The following FOCAD variants were observed in gnomAD, a reference collection of about 807,000 sequenced individuals.
FOCAD encodes the protein focadhesin, also known as KIAA1797.
FOCAD carries 198 observed loss-of-function variants against 225.6 expected under a neutral mutation model. The ratio of observed to expected loss-of-function variants is 0.88; its 90% confidence interval spans 0.78 to 0.99. The LOEUF (loss-of-function observed/expected upper bound fraction) is 0.99, where lower values mean the gene tolerates loss of function less well. FOCAD is among the 50% of genes least tolerant of loss of function. The pLI is 0.00. For missense variants in FOCAD, 2,713 were observed against 2,123.6 expected, an observed-to-expected ratio of 1.28 and a Z score of -5.46; for synonymous variants, 897 against 755.0, an observed-to-expected ratio of 1.19 and a Z score of -3.08.
chr9:20,742,152 A>C (rs945057448), intron 5 of FOCAD, among the ~76,000 whole-genome samples: 1 of 152,150 alleles, frequency 6.6e-6, no homozygotes, highest in Non-Finnish European at 1.5e-5. Flanking sequence ...TTTTAGTTCA[A>C]TGCTTCCCAA....
chr9:20,841,348 A>T (rs534912315), intron 15 of FOCAD, among the ~76,000 whole-genome samples: 2 of 150,396 alleles, frequency 1.3e-5, no homozygotes, highest in African/African-American at 4.9e-5. Context: ...ATGTCTTTTG[A>T]TTGCAGAGTT....
At chr9:20,966,571 T>C (rs1417711273) in intron 35 of FOCAD, among the ~76,000 whole-genome samples, 1 of 152,158 alleles carries the variant, frequency 6.6e-6, no homozygotes, top group African/African-American at 2.4e-5. Context: ...TTTAATGCCA[T>C]ATCTGTGAAT....
At chr9:20,840,267 AATATT>A in intron 15 of FOCAD, among the ~76,000 whole-genome samples, 1 of 152,158 alleles carries the variant, frequency 6.6e-6, no homozygotes, top group Admixed American at 6.5e-5. Flanking sequence ...ACATTTTAAC[AATATT>A]GATTCTTCCA....
At chr9:20,879,980 C>G (rs754687916) in intron 19 of FOCAD, among the ~76,000 whole-genome samples, 3 of 152,164 alleles carry the variant, frequency 2.0e-5, no homozygotes, top group Non-Finnish European at 2.9e-5. Context: ...ATCATAGTGC[C>G]TCTACCCTCA....
At chr9:20,740,164 G>A in intron 4 of FOCAD, 72 bp from the exon 5 acceptor site, 1 of 966,720 alleles carries the variant, frequency 1.0e-6, no homozygotes, top group Non-Finnish European at 1.6e-6. Context: ...ATTTTAAAAT[G>A]ATAGGATTAA....
intron 24 of FOCAD, among the ~76,000 whole-genome samples, chr9:20,919,270 C>A (rs1382811951): frequency 1.3e-5 from 2 of 152,116 alleles, no homozygotes; most frequent in South Asian, 2.1e-4. Context: ...ACGTGAAGGA[C>A]CTCTTCAAGG....
At chr9:20,991,725 AT>A (rs1208622641) in intron 42 of FOCAD, among the ~76,000 whole-genome samples, 1 of 150,780 alleles carries the variant, frequency 6.6e-6, no homozygotes, top group African/African-American at 2.4e-5. Context: ...AGGCAGGAGA[AT>A]CGCTTGAACG....
At chr9:20,794,060 T>G (rs1820814504) in intron 11 of FOCAD, among the ~76,000 whole-genome samples, 1 of 152,176 alleles carries the variant, frequency 6.6e-6, no homozygotes, top group Non-Finnish European at 1.5e-5. Context: ...AAACATTTAT[T>G]TATGTCTCTT....
intron 1 of FOCAD, among the ~76,000 whole-genome samples, chr9:20,697,339 T>A (rs1052440809): frequency 6.6e-6 from 1 of 152,212 alleles, no homozygotes; most frequent in African/African-American, 2.4e-5. Context: ...AAAATGTCAG[T>A]CATATATGCC....
At chr9:20,862,838 T>A in intron 16 of FOCAD, 126 bp downstream of exon 16, 1 of 1,099,970 alleles carries the variant, frequency 9.1e-7, no homozygotes, top group Admixed American at 2.5e-5. Flanking sequence ...CATGTTGATA[T>A]GTTTATGGAC....
In FOCAD at chr9:20,845,442, G is replaced by GATATATATATATATATATATATAT. The variant is rs3086547; in HGVS notation, c.1921-17135_1921-17112dup. On this transcript the variant is annotated intron_variant, in intron 15 of 43. Coordinates refer to ENST00000338382, the MANE Select transcript of FOCAD (RefSeq NM_001375567.1). ...GATATATTTTATGCATCTTTTCCTC[G>GATATATATATATATATATATATAT]ATATATATATATATATATATATATG... is the stretch of plus-strand genomic sequence containing the variant. 3.4e-3 allele frequency among the ~76,000 whole-genome samples: 408 copies of GATATATATATATATATATATATAT among 121,126 alleles called. 6 individuals carry two copies. The highest frequency in any genetic ancestry group is 6.6e-3 in the South Asian group (24 of 3,616). 79.5% of individuals were successfully genotyped at this position (121,126 alleles called of 152,430 possible).
chr9:20,968,370 C>G (rs1839452310), intron 35 of FOCAD, among the ~76,000 whole-genome samples: 2 of 146,824 alleles, frequency 1.4e-5, no homozygotes, highest in South Asian at 4.3e-4. Flanking sequence ...TAACAGTTTG[C>G]CAATTTTGTT....
At chr9:20,893,917 G>A (rs1019499476) in intron 21 of FOCAD, among the ~76,000 whole-genome samples, 2 of 152,064 alleles carry the variant, frequency 1.3e-5, no homozygotes, top group African/African-American at 4.8e-5. Context: ...TATTCTTGGT[G>A]TTAAACATTC....
intron 8 of FOCAD, among the ~76,000 whole-genome samples, chr9:20,775,770 G>A (rs746916492): frequency 3.3e-5 from 5 of 152,132 alleles, no homozygotes; most frequent in Admixed American, 6.5e-5. Context: ...AGGACAAAAA[G>A]TATGGACTCC....
intron 11 of FOCAD, among the ~76,000 whole-genome samples, chr9:20,805,935 G>C (rs1822402891): frequency 6.6e-6 from 1 of 152,186 alleles, no homozygotes; most frequent in African/African-American, 2.4e-5. Context: ...GATGATGAGA[G>C]ATGCAAAATG....
At chr9:20,836,380 G>A (rs1474620778) in intron 15 of FOCAD, among the ~76,000 whole-genome samples, 2 of 151,984 alleles carry the variant, frequency 1.3e-5, no homozygotes, top group African/African-American at 4.8e-5. Context: ...CTTATGTTTT[G>A]TTTGTGGGAC....
rs72703967 is a variant in FOCAD, at chr9:20,894,712, G to T, written c.2625+9482G>T. On this transcript the variant is annotated intron_variant, in intron 21 of 43. Coordinates refer to ENST00000338382, the MANE Select transcript of FOCAD (RefSeq NM_001375567.1). ...ATAGTTGAGTTTTAAGACTTTTTTC[G>T]TATATTTTGGATAATAGTCCTTTAT... Among the ~76,000 whole-genome samples, 12 of 151,850 alleles carry T rather than the reference G, an allele frequency of 7.9e-5. No individual in the cohort carries two copies. In the East Asian group the frequency reaches 1.7e-3, roughly 22 times the overall value.
At chr9:20,774,977 A>G (rs900165807) in intron 8 of FOCAD, among the ~76,000 whole-genome samples, 1 of 152,232 alleles carries the variant, frequency 6.6e-6, no homozygotes, top group Admixed American at 6.5e-5. Context: ...CTATAGGTCT[A>G]TATGTACTAC....
chr9:20,874,523 A>C, intron 18 of FOCAD, 158 bp from the exon 19 acceptor site: 3 of 652,114 alleles, frequency 4.6e-6, no homozygotes, highest in Non-Finnish European at 2.5e-6. Flanking sequence ...CTAAAAAATG[A>C]ATAGATTTTT....
Sources: allele counts gnomAD v4.1 joint callset (sites outside exome capture counted in the v4.1 genomes callset), GRCh38; gene constraint gnomAD v4.1.1; transcripts MANE v1.5; gene names NCBI Gene and HGNC (gene_info 2026-07-23, HGNC 2026-07-21).